DGKB: variants seen among roughly 807,000 people sequenced by gnomAD.
DGKB encodes the protein 90 kDa diacylglycerol kinase.
In DGKB, 67 loss-of-function variants were observed where a neutral mutation model predicts 114.3. The observed-to-expected ratio is 0.59, with a 90% CI of 0.48 to 0.72. DGKB has a LOEUF of 0.72. Among genes scored for constraint, DGKB ranks in the 30% least tolerant of loss-of-function variants. DGKB has a pLI of 0.00. For synonymous variants in DGKB, 398 were observed against 323.1 expected (o/e 1.23, Z -2.49); for missense variants, 907 against 975.2 (o/e 0.93, Z 0.93).
At chr7:14,586,908 G>T (rs1244491906) in intron 17 of DGKB, among the ~76,000 whole-genome samples, 1 of 151,738 alleles carries the variant, frequency 6.6e-6, no homozygotes, top group Non-Finnish European at 1.5e-5. Flanking sequence ...CAATGTACCT[G>T]GTCACCCAAT....
chr7:14,925,959 G>C (rs190758942), intron 1 of DGKB, among the ~76,000 whole-genome samples: 3 of 152,176 alleles, frequency 2.0e-5, no homozygotes, highest in African/African-American at 7.2e-5. Context: ...AATAAGAGTA[G>C]AGAGAACAGA....
At chr7:14,637,061 C>T (rs1019867569) in intron 13 of DGKB, among the ~76,000 whole-genome samples, 6 of 151,802 alleles carry the variant, frequency 4.0e-5, no homozygotes, top group Non-Finnish European at 4.4e-5. Context: ...CAAGAAGCTG[C>T]GGATTCAAAC....
intron 15 of DGKB, among the ~76,000 whole-genome samples, chr7:14,619,347 A>T (rs1462904053): frequency 6.6e-6 from 1 of 151,636 alleles, no homozygotes; most frequent in East Asian, 1.9e-4. Context: ...TAATGTGACT[A>T]ATTTAGCTGT....
At position 14,936,351 on chromosome 7, in the gene DGKB, A is replaced by G. The variant is rs540732734; in HGVS notation, c.-188+38345T>C. 9.8e-5 allele frequency among the ~76,000 whole-genome samples: 15 copies of G among 152,294 alleles called. No individual in the cohort carries two copies. In the East Asian group the frequency reaches 2.7e-3, roughly 28 times the overall value. On this transcript the variant is annotated intron_variant, in intron 1 of 4. Coordinates refer to the DGKB transcript ENST00000437998. ...GGCTAAAATTGAGCATGAGGTCATTACTTTTTGGAAACTAACATGGGAGGT... is the reference window on the plus strand; with the variant it reads ...GGCTAAAATTGAGCATGAGGTCATTGCTTTTTGGAAACTAACATGGGAGGT...
At chr7:14,321,179 C>T (rs998501619) in intron 23 of DGKB, among the ~76,000 whole-genome samples, 2 of 151,914 alleles carry the variant, frequency 1.3e-5, no homozygotes, top group East Asian at 1.9e-4. Context: ...TGGTCCCAGC[C>T]GCTTGGGAAG....
At chr7:14,783,427 A>G (rs1372170427) in intron 2 of DGKB, among the ~76,000 whole-genome samples, 1 of 152,218 alleles carries the variant, frequency 6.6e-6, no homozygotes, top group Admixed American at 6.5e-5. Context: ...AAACACTTGC[A>G]AGTATGAATG....
chr7:14,769,133 G>GAGAGAA (rs1562487838), intron 2 of DGKB, among the ~76,000 whole-genome samples: 15 of 122,538 alleles, frequency 1.2e-4, no homozygotes, highest in South Asian at 2.6e-4. Context: ...AAGAGAGAGA[G>GAGAGAA]AGAAAGAAAG....
At chr7:14,392,767 C>G (rs1359331427) in intron 21 of DGKB, among the ~76,000 whole-genome samples, 1 of 152,024 alleles carries the variant, frequency 6.6e-6, no homozygotes, top group Non-Finnish European at 1.5e-5. Context: ...GTGGCTATAA[C>G]AAACAATTAC....
intron 23 of DGKB, among the ~76,000 whole-genome samples, chr7:14,283,286 C>T (rs947350945): frequency 6.6e-6 from 1 of 151,160 alleles, no homozygotes; most frequent in Non-Finnish European, 1.5e-5. Flanking sequence ...GAATAAAATA[C>T]CTAGGAATCC....
intron 23 of DGKB, chr7:14,192,293 A>C (rs1252980302): frequency 5.2e-6 from 1 of 194,046 alleles, no homozygotes; most frequent in Admixed American, 5.9e-5. Context: ...AACATACACA[A>C]ATCAGTAGCA....
chr7:14,216,184 A>G (rs1788934286), intron 23 of DGKB, among the ~76,000 whole-genome samples: 1 of 152,192 alleles, frequency 6.6e-6, no homozygotes, highest in South Asian at 2.1e-4. Context: ...GAACAAGAAG[A>G]AGAAATAATT....
At chr7:14,313,713 C>A (rs1032266421) in intron 23 of DGKB, among the ~76,000 whole-genome samples, 38 of 152,256 alleles carry the variant, frequency 2.5e-4, no homozygotes, top group South Asian at 4.1e-4. Context: ...GGAGGGGCGC[C>A]CGCCATTGCC....
chr7:14,750,032 C>T (rs1833882393), intron 4 of DGKB: 3 of 470,166 alleles, frequency 6.4e-6, no homozygotes, highest in Admixed American at 2.3e-5. Flanking sequence ...CCAAATGTTA[C>T]TATGTTTTAG....
At chr7:14,608,314 T>A (rs1329211465) in intron 16 of DGKB, among the ~76,000 whole-genome samples, 1 of 151,858 alleles carries the variant, frequency 6.6e-6, no homozygotes, top group Non-Finnish European at 1.5e-5. Context: ...ATTCACCACA[T>A]AAATAGAATT....
chr7:14,782,631 G>T (rs114120531), intron 2 of DGKB, among the ~76,000 whole-genome samples: 43 of 152,228 alleles, frequency 2.8e-4, no homozygotes, highest in African/African-American at 1.0e-3. Flanking sequence ...AATTGTAATA[G>T]AGAATTACAG....
intron 21 of DGKB, among the ~76,000 whole-genome samples, chr7:14,394,405 G>T (rs1456578910): frequency 2.0e-5 from 3 of 152,026 alleles, no homozygotes; most frequent in Non-Finnish European, 4.4e-5. Flanking sequence ...TATTGACAAA[G>T]AATATATCAT....
Position 14,205,900 on chromosome 7 carries a change from G to T in DGKB, c.2123-27749C>A, listed in dbSNP as rs544086230. On this transcript the variant is annotated intron_variant, in intron 23 of 25. Coordinates refer to ENST00000402815, the MANE Select transcript of DGKB (RefSeq NM_001350709.2). ...TACAGGCAGATAGGCCAAATAATATGATATATATATGTATGTTATAGAAGA... is the reference window on the plus strand; with the variant it reads ...TACAGGCAGATAGGCCAAATAATATTATATATATATGTATGTTATAGAAGA... Among the ~76,000 whole-genome samples the T allele has an allele frequency of 2.1e-4, 32 of 151,962 alleles. No homozygotes were observed. In the East Asian group the frequency reaches 6.0e-3, roughly 29 times the overall value.
At chr7:14,195,650 T>C (rs984447204) in intron 23 of DGKB, among the ~76,000 whole-genome samples, 1 of 152,164 alleles carries the variant, frequency 6.6e-6, no homozygotes, top group Non-Finnish European at 1.5e-5. Context: ...CTATGGTCCC[T>C]TTATTTTAGT....
chr7:14,649,269 G>T (rs1365735363), intron 13 of DGKB, among the ~76,000 whole-genome samples: 2 of 151,384 alleles, frequency 1.3e-5, no homozygotes, highest in African/African-American at 4.9e-5. Flanking sequence ...CCCTCAAAGG[G>T]AAGCCCATCA....
Sources: allele counts gnomAD v4.1 joint callset (sites outside exome capture counted in the v4.1 genomes callset), GRCh38; gene constraint gnomAD v4.1.1; transcripts MANE v1.5; gene names NCBI Gene and HGNC (gene_info 2026-07-23, HGNC 2026-07-21).